MAN1C1: variants seen among roughly 807,000 people sequenced by gnomAD.
The protein encoded by MAN1C1 is mannosyl-oligosaccharide 1,2-alpha-mannosidase IC.
Under a neutral mutation model 71.5 loss-of-function variants are expected in MAN1C1, and 49 were observed. The ratio of observed to expected loss-of-function variants is 0.69; its 90% CI spans 0.54 to 0.87. The LOEUF is 0.87. Among genes scored for constraint, MAN1C1 ranks in the 40% least tolerant of loss-of-function variants. The probability of loss-of-function intolerance (pLI) is 0.00; values close to 1 mark genes in which losing one functional copy is unlikely to be tolerated. For missense variants in MAN1C1, 743 were observed against 835.0 expected, an observed-to-expected ratio of 0.89 and a Z score of 1.36; for synonymous variants, 352 against 343.7, an observed-to-expected ratio of 1.02 and a Z score of -0.27.
At chr1:25,718,691 TC>T (rs2046717261) in intron 2 of MAN1C1, among the ~76,000 whole-genome samples, 1 of 152,198 alleles carries the variant, frequency 6.6e-6, no homozygotes, top group South Asian at 2.1e-4. Context: ...AAACCTGTGG[TC>T]TTTTGTATCT....
At chr1:25,650,484 G>A (rs1448257300) in intron 1 of MAN1C1, among the ~76,000 whole-genome samples, 1 of 152,192 alleles carries the variant, frequency 6.6e-6, no homozygotes, top group African/African-American at 2.4e-5. Context: ...TTGCTTCTGA[G>A]GTTGTTCTGA....
intron 2 of MAN1C1, among the ~76,000 whole-genome samples, chr1:25,690,179 G>A (rs192696626): frequency 6.8e-4 from 104 of 152,184 alleles, no homozygotes; most frequent in African/African-American, 2.3e-3. Context: ...ACCCACATCC[G>A]GCTCAGCAGG....
rs553109226 is a variant in MAN1C1 at position 25,782,104 on chromosome 1, A to T, written c.1651-481A>T. On this transcript the variant is annotated intron_variant, in intron 10 of 11. Coordinates refer to ENST00000374332, the MANE Select transcript of MAN1C1 (RefSeq NM_020379.4). The surrounding 1 kb of genome is among the most constrained non-coding windows in gnomAD (Gnocchi z 4.4). ...TGTCTCAAGAAAAAAAAATGCATTT[A>T]TATAGAAAGATGAATGGCTTGGCTC... Among the ~76,000 whole-genome samples the T allele has an allele frequency of 1.3e-5, 2 of 150,990 alleles. No individual in the cohort carries two copies. Among genetic ancestry groups the T allele is most frequent in the African/African-American group, 4.9e-5 (2 of 41,010 alleles).
intron 2 of MAN1C1, among the ~76,000 whole-genome samples, chr1:25,697,516 A>G (rs2046384577): frequency 6.6e-6 from 1 of 152,216 alleles, no homozygotes; most frequent in Admixed American, 6.5e-5. Context: ...ACGAACATTC[A>G]TGTATAAGCT....
chr1:25,640,227 G>A (rs555604308), intron 1 of MAN1C1, among the ~76,000 whole-genome samples: 13 of 152,280 alleles, frequency 8.5e-5, no homozygotes, highest in African/African-American at 3.1e-4. Flanking sequence ...TGCAAAGGCT[G>A]CCTTTAATTT....
intron 2 of MAN1C1, among the ~76,000 whole-genome samples, chr1:25,726,480 T>C (rs996129019): frequency 3.3e-5 from 5 of 152,172 alleles, no homozygotes; most frequent in African/African-American, 1.2e-4. Flanking sequence ...CACTTCGTAA[T>C]GGGGTGTGGT....
chr1:25,679,443 A>T (rs1019322258), intron 1 of MAN1C1, among the ~76,000 whole-genome samples: 2 of 152,100 alleles, frequency 1.3e-5, no homozygotes, highest in African/African-American at 4.8e-5. Flanking sequence ...AACTTCAGGG[A>T]GACTGACAAT....
intron 1 of MAN1C1, among the ~76,000 whole-genome samples, chr1:25,623,398 A>G (rs1430321512): frequency 2.6e-5 from 4 of 152,142 alleles, no homozygotes; most frequent in African/African-American, 9.6e-5. Context: ...CTAGAAACAA[A>G]TAGAAGGATG....
At chr1:25,670,444 G>T (rs1341033609) in intron 1 of MAN1C1, among the ~76,000 whole-genome samples, 1 of 152,356 alleles carries the variant, frequency 6.6e-6, no homozygotes, top group East Asian at 1.9e-4. Flanking sequence ...TCCAGGCTCT[G>T]CTGGGGCAGC....
Position 25,733,957 on chromosome 1 carries a change from G to T in MAN1C1, c.638-12711G>T, listed in dbSNP as rs185375572. Among the ~76,000 whole-genome samples the T allele has an allele frequency of 5.3e-5, 8 of 151,544 alleles. No individual in the cohort carries two copies. In the East Asian group the frequency reaches 1.6e-3, roughly 29 times the overall value. On this transcript the variant is annotated intron_variant, in intron 2 of 11. Transcript: ENST00000374332. The stretch of plus-strand genomic sequence containing the variant: ...TGGGACTACAGGCGCCCGCCACCAC[G>T]CCCGGCTAATTTTTTATATTTTTAG...
At chr1:25,707,402 A>T (rs2046538844) in intron 2 of MAN1C1, among the ~76,000 whole-genome samples, 1 of 152,230 alleles carries the variant, frequency 6.6e-6, no homozygotes, top group African/African-American at 2.4e-5. Context: ...ATCTTTTCAC[A>T]TTCTTTTTAC....
intron 1 of MAN1C1, chr1:25,659,169 T>C (rs2124094646): frequency 6.6e-6 from 1 of 152,428 alleles, no homozygotes; most frequent in East Asian, 1.9e-4. Flanking sequence ...GTTTGTCCTG[T>C]TGCTGAGCCA....
intron 2 of MAN1C1, among the ~76,000 whole-genome samples, chr1:25,714,231 G>A (rs1215582671): frequency 6.6e-6 from 1 of 152,160 alleles, no homozygotes; most frequent in Non-Finnish European, 1.5e-5. Flanking sequence ...CAGGGTAAAT[G>A]GTCTTTAATT....
chr1:25,688,757 A>G (rs1469143110), intron 2 of MAN1C1, among the ~76,000 whole-genome samples: 1 of 152,208 alleles, frequency 6.6e-6, no homozygotes, highest in Non-Finnish European at 1.5e-5. Context: ...TTCATCATTC[A>G]TATGGGACTG....
chr1:25,680,271 C>T (rs2046133006), intron 1 of MAN1C1, among the ~76,000 whole-genome samples: 1 of 152,146 alleles, frequency 6.6e-6, no homozygotes, highest in African/African-American at 2.4e-5. Flanking sequence ...CCATGTTGGC[C>T]AGGCTGGTTT....
chr1:25,659,587 A>G (rs1336971592), intron 1 of MAN1C1, among the ~76,000 whole-genome samples: 1 of 152,204 alleles, frequency 6.6e-6, no homozygotes, highest in Non-Finnish European at 1.5e-5. Context: ...TTGTACAAAC[A>G]TTGATGTAGC....
At chr1:25,748,775 G>A (rs756463307) in intron 3 of MAN1C1, among the ~76,000 whole-genome samples, 2 of 152,252 alleles carry the variant, frequency 1.3e-5, no homozygotes, top group African/African-American at 2.4e-5. Flanking sequence ...CTGCCTGGCT[G>A]CCTGGCTCCC....
intron 1 of MAN1C1, among the ~76,000 whole-genome samples, chr1:25,663,717 G>A (rs532900415): frequency 1.3e-5 from 2 of 152,240 alleles, no homozygotes; most frequent in African/African-American, 4.8e-5. Context: ...GTTTGCCATG[G>A]CCTACATAGA....
intron 1 of MAN1C1, among the ~76,000 whole-genome samples, chr1:25,651,735 A>C (rs369434086): frequency 6.6e-6 from 1 of 152,164 alleles, no homozygotes; most frequent in African/African-American, 2.4e-5. Flanking sequence ...CACCCTGGCT[A>C]TGACCTGAGG....
Sources: allele counts gnomAD v4.1 joint callset (sites outside exome capture counted in the v4.1 genomes callset), GRCh38; gene constraint gnomAD v4.1.1; non-coding constraint Gnocchi (gnomAD v3.1); transcripts MANE v1.5; gene names NCBI Gene and HGNC (gene_info 2026-07-23, HGNC 2026-07-21).